SRBD1: variants seen among roughly 807,000 people sequenced by gnomAD.
SRBD1 encodes the protein S1 RNA binding domain 1, also known as S1 RNA-binding domain-containing protein 1.
SRBD1 carries 88 observed loss-of-function variants against 115.3 expected under a neutral mutation model. That is an observed-to-expected ratio of 0.76 (90% CI 0.64 to 0.91). SRBD1 has a LOEUF of 0.91. SRBD1 is among the 40% of genes least tolerant of loss of function. The pLI, the probability that SRBD1 is intolerant of heterozygous loss-of-function variation, is 0.00. For synonymous variants in SRBD1, 509 were observed against 407.7 expected (o/e 1.25, Z -2.99); for missense variants, 1,385 against 1,177.4 (o/e 1.18, Z -2.58).
At chr2:45,587,770 T>C (rs1254220683) in intron 4 of SRBD1, among the ~76,000 whole-genome samples, 6 of 152,234 alleles carry the variant, frequency 3.9e-5, no homozygotes, top group Non-Finnish European at 5.9e-5. Flanking sequence ...TTCACATTTC[T>C]ATCCCTGACT....
chr2:45,501,258 TA>T (rs959257763), intron 14 of SRBD1, among the ~76,000 whole-genome samples: 1 of 152,210 alleles, frequency 6.6e-6, no homozygotes, highest in African/African-American at 2.4e-5. Flanking sequence ...CTTTTAATTT[TA>T]AAAAAATTTT....
intron 16 of SRBD1, among the ~76,000 whole-genome samples, chr2:45,420,796 A>T (rs1487486328): frequency 2.0e-5 from 3 of 152,212 alleles, no homozygotes; most frequent in Non-Finnish European, 4.4e-5. Context: ...TGGGACTTTC[A>T]AGCTTCAGAT....
Position 45,551,293 on chromosome 2 carries a change from A to G in SRBD1, c.1518-11T>C. 2 of 1,580,566 alleles carry G rather than the reference A, an allele frequency of 1.3e-6. No individual in the cohort carries two copies. Among genetic ancestry groups the G allele is most frequent in the Non-Finnish European group, 1.7e-6 (2 of 1,172,436 alleles). On this transcript the variant is annotated splice_polypyrimidine_tract_variant and intron_variant, in intron 11 of 20. Transcript: ENST00000263736. ...GATGTTAGTTTGGCTCTTTAGAAAT[A>G]GAAGAAAAGAAAAAGTTTTTCATTC...
chr2:45,426,413 G>C (rs796705453), intron 16 of SRBD1, among the ~76,000 whole-genome samples: 1 of 152,236 alleles, frequency 6.6e-6, no homozygotes, highest in Non-Finnish European at 1.5e-5. Flanking sequence ...AGGCGTGGCT[G>C]TGGGCGCAGC....
At chr2:45,588,566 C>T (rs770017985) in intron 4 of SRBD1, among the ~76,000 whole-genome samples, 1 of 152,144 alleles carries the variant, frequency 6.6e-6, no homozygotes, top group Non-Finnish European at 1.5e-5. Flanking sequence ...ATACTGTGGC[C>T]ACCTCTCTCC....
At chr2:45,447,075 T>A (rs1020620115) in intron 16 of SRBD1, 2 of 152,388 alleles carry the variant, frequency 1.3e-5, no homozygotes, top group African/African-American at 4.8e-5. Flanking sequence ...TAATGAATAC[T>A]TTCTCCTTAA....
chr2:45,608,851 T>C (rs1413057583), intron 1 of SRBD1, among the ~76,000 whole-genome samples: 2 of 150,840 alleles, frequency 1.3e-5, no homozygotes, highest in South Asian at 4.2e-4. Flanking sequence ...ACGGTCTCAC[T>C]CTGTCACCCA....
intron 16 of SRBD1, among the ~76,000 whole-genome samples, chr2:45,454,099 T>C (rs1003682250): frequency 7.2e-5 from 11 of 151,990 alleles, no homozygotes; most frequent in African/African-American, 2.4e-4. Context: ...GCAGGATCTA[T>C]TAGCCAAAGA....
At position 45,434,519 on chromosome 2, in the gene SRBD1, A is replaced by G. The variant is rs370445463; in HGVS notation, c.2050-14625T>C. Among the ~76,000 whole-genome samples, 151 of 152,276 alleles carry G rather than the reference A, an allele frequency of 9.9e-4. 1 individual carries two copies. The highest frequency in any genetic ancestry group is 3.5e-3 in the African/African-American group (147 of 41,558). ...ATAAAGTCAGTTTATTCTGTCAAGG[A>G]TCTCCTACCTCTAAAAACAGATAAT... On this transcript the variant is annotated intron_variant, in intron 16 of 20. Coordinates refer to ENST00000263736, the MANE Select transcript of SRBD1 (RefSeq NM_018079.5).
At chr2:45,568,272 G>A (rs1393610219) in intron 9 of SRBD1, among the ~76,000 whole-genome samples, 4 of 152,120 alleles carry the variant, frequency 2.6e-5, no homozygotes, top group African/African-American at 4.8e-5. Context: ...AGCTATTAAC[G>A]GCTATTCCCA....
At chr2:45,596,587 G>A (rs1673901187) in intron 4 of SRBD1, among the ~76,000 whole-genome samples, 1 of 152,062 alleles carries the variant, frequency 6.6e-6, no homozygotes, top group African/African-American at 2.4e-5. Flanking sequence ...ACTGTTTTCT[G>A]TCTATTTTAC....
At chr2:45,566,144 A>G (rs1672823632) in intron 9 of SRBD1, among the ~76,000 whole-genome samples, 1 of 152,236 alleles carries the variant, frequency 6.6e-6, no homozygotes, top group African/African-American at 2.4e-5. Context: ...ACTCTGGAAA[A>G]TATGGCAGTT....
rs571984166 is a variant in SRBD1, at chr2:45,388,715, C to T, written c.*595G>A. The T allele has an allele frequency of 2.0e-5, 3 of 152,474 alleles. No individual in the cohort carries two copies. The highest frequency in any genetic ancestry group is 6.5e-5 in the Admixed American group (1 of 15,304). The allele number at this position is 152,474 out of a possible 1,614,324, so 9.4% of individuals were successfully genotyped here. A position where few individuals can be genotyped will look rare whatever the true frequency, so the allele number is the denominator to read the frequency against. ...CAAACATTTATTGTTGGGGTCAATA[C>T]GTATATCCTTTTGAGAAGTGTTTCG... On this transcript the variant is annotated 3_prime_UTR_variant, in exon 21 of 21. Coordinates refer to ENST00000263736, the MANE Select transcript of SRBD1 (RefSeq NM_018079.5).
intron 14 of SRBD1, among the ~76,000 whole-genome samples, chr2:45,527,516 T>A (rs1253748432): frequency 6.6e-6 from 1 of 151,642 alleles, no homozygotes. Flanking sequence ...GAGGAAAGGG[T>A]ATACCAAGGG....
chr2:45,541,606 G>A (rs553146786), intron 14 of SRBD1, among the ~76,000 whole-genome samples: 1 of 152,256 alleles, frequency 6.6e-6, no homozygotes, highest in Non-Finnish European at 1.5e-5. Context: ...TTGTCCCAAT[G>A]AGTGTCTAGC....
intron 16 of SRBD1, among the ~76,000 whole-genome samples, 191 bp from the exon 17 acceptor site, chr2:45,420,085 C>T (rs1667951892): frequency 6.6e-6 from 1 of 152,178 alleles, no homozygotes; most frequent in South Asian, 2.1e-4. Context: ...TTAAGCTATG[C>T]ATATATACCT....
intron 16 of SRBD1, among the ~76,000 whole-genome samples, chr2:45,432,604 A>T (rs1420473634): frequency 6.6e-6 from 1 of 152,228 alleles, no homozygotes. Flanking sequence ...TACTGGCAGT[A>T]ACTGGTACAA....
intron 12 of SRBD1, among the ~76,000 whole-genome samples, chr2:45,548,030 A>G (rs1672177141): frequency 1.3e-5 from 2 of 151,944 alleles, no homozygotes; most frequent in South Asian, 2.1e-4. Flanking sequence ...GAGCTTTTCT[A>G]TATTGCATTA....
intron 16 of SRBD1, among the ~76,000 whole-genome samples, chr2:45,472,696 T>C (rs1231789438): frequency 6.6e-6 from 1 of 152,234 alleles, no homozygotes; most frequent in East Asian, 1.9e-4. Flanking sequence ...CTACTAAGAC[T>C]CCTGCAAAAA....
Sources: gnomAD v4.1 joint callset for allele counts (sites outside exome capture counted in the v4.1 genomes callset) on GRCh38, gnomAD v4.1.1 for gene constraint, MANE v1.5 for transcripts, NCBI Gene and HGNC (gene_info 2026-07-23, HGNC 2026-07-21) for gene names.